VTI1A: variants seen among roughly 807,000 people sequenced by gnomAD.
VTI1A encodes the protein vesicle transport through interaction with t-SNAREs homolog 1A.
In VTI1A, 22 loss-of-function variants were observed where a neutral mutation model predicts 34.9. The observed-to-expected ratio is 0.63, with a 90% CI of 0.45 to 0.90. The LOEUF (loss-of-function observed/expected upper bound fraction) is 0.90, where lower values mean the gene tolerates loss of function less well. VTI1A is among the 40% of genes least tolerant of loss of function. The probability of loss-of-function intolerance (pLI) is 0.00; values close to 1 mark genes in which losing one functional copy is unlikely to be tolerated. For missense variants in VTI1A, 268 were observed against 275.6 expected (o/e 0.97, Z 0.20); for synonymous variants, 87 against 97.3 (o/e 0.89, Z 0.62).
chr10:112,619,049 C>T (rs909723877), intron 5 of VTI1A, among the ~76,000 whole-genome samples: 1 of 142,328 alleles, frequency 7.0e-6, no homozygotes, highest in Non-Finnish European at 1.5e-5. Flanking sequence ...GTGCCTGGCA[C>T]ATTAGTAAAC....
chr10:112,726,138 G>A (rs1223188117), intron 7 of VTI1A, among the ~76,000 whole-genome samples: 1 of 152,046 alleles, frequency 6.6e-6, no homozygotes, highest in Admixed American at 6.6e-5. Flanking sequence ...TAGGCATCTG[G>A]TTCCACCTGG....
intron 5 of VTI1A, among the ~76,000 whole-genome samples, chr10:112,558,828 C>A (rs1017629298): frequency 1.3e-5 from 2 of 152,174 alleles, no homozygotes; most frequent in African/African-American, 4.8e-5. Flanking sequence ...ACGGTTGTCA[C>A]CATGCAGGGT....
At chr10:112,620,351 G>A (rs1845683829) in intron 5 of VTI1A, among the ~76,000 whole-genome samples, 1 of 152,194 alleles carries the variant, frequency 6.6e-6, no homozygotes, top group Non-Finnish European at 1.5e-5. Context: ...CAGTTTAGCG[G>A]AAAGAATGGC....
rs1209859552 is a variant in VTI1A, at chr10:112,546,168, TAC to T, written c.427+7850_427+7851del. 5.3e-4 allele frequency among the ~76,000 whole-genome samples: 79 copies of T among 150,086 alleles called. 1 individual carries two copies. The highest frequency in any genetic ancestry group is 2.4e-4 in the Non-Finnish European group (16 of 67,416). On this transcript the variant is annotated intron_variant, in intron 5 of 7. Transcript: ENST00000393077. ...GTGCGTATATATGTGTGTATATATA[TAC>T]ACACACACACATACGCACACACATA...
At position 112,665,294 on chromosome 10, in the gene VTI1A, C is replaced by T. The variant is rs1052170998; in HGVS notation, c.428-2924C>T. On this transcript the variant is annotated intron_variant, in intron 5 of 7. Transcript: ENST00000393077. Reference sequence around the variant, plus strand: ...TTGGTTCAACTAGAAGAGTGGGCCCCACAGTGGGGGAAAAAAAAAAAAAGC... The same window carrying T: ...TTGGTTCAACTAGAAGAGTGGGCCCTACAGTGGGGGAAAAAAAAAAAAAGC... 3.1e-4 allele frequency among the ~76,000 whole-genome samples: 44 copies of T among 140,846 alleles called. 1 individual carries two copies. The highest frequency in any genetic ancestry group is 9.8e-4 in the African/African-American group (38 of 38,744). The allele number at this position is 140,846 out of a possible 152,430, so 92.4% of individuals were successfully genotyped here. A position where few individuals can be genotyped will look rare whatever the true frequency, so the allele number is the denominator to read the frequency against.
At chr10:112,759,598 T>G (rs1207945925) in intron 7 of VTI1A, among the ~76,000 whole-genome samples, 1 of 152,186 alleles carries the variant, frequency 6.6e-6, no homozygotes, top group African/African-American at 2.4e-5. Context: ...TTTTCTCCAG[T>G]CTCCAGCTTG....
chr10:112,736,059 AAT>A (rs927822443), intron 7 of VTI1A, among the ~76,000 whole-genome samples: 118 of 146,352 alleles, frequency 8.1e-4, no homozygotes, highest in Admixed American at 1.8e-3. Context: ...TATACTGTAT[AAT>A]ATATTTTATA....
chr10:112,588,521 G>T (rs555962815), intron 5 of VTI1A, among the ~76,000 whole-genome samples: 20 of 152,138 alleles, frequency 1.3e-4, no homozygotes, highest in African/African-American at 4.6e-4. Context: ...TCTCTATTCA[G>T]TTCAGAGCTA....
chr10:112,848,781 GC>G, the VTI1A span, among the ~76,000 whole-genome samples: 1 of 152,208 alleles, frequency 6.6e-6, no homozygotes, highest in African/African-American at 2.4e-5. Flanking sequence ...CCCAGAGACT[GC>G]CCTGAGGAGG....
At chr10:112,658,355 G>A (rs753879292) in intron 5 of VTI1A, among the ~76,000 whole-genome samples, 8 of 151,978 alleles carry the variant, frequency 5.3e-5, no homozygotes, top group African/African-American at 9.7e-5. Context: ...CCAAAGCACC[G>A]GTATTACAAG....
At chr10:112,506,546 A>G (rs73365014) in intron 3 of VTI1A, among the ~76,000 whole-genome samples, 259 of 152,274 alleles carry the variant, frequency 1.7e-3, no homozygotes, top group African/African-American at 6.1e-3. Context: ...CTTCCTGGAT[A>G]ATGTAGACGT....
intron 5 of VTI1A, among the ~76,000 whole-genome samples, chr10:112,637,176 C>T (rs548329722): frequency 7.9e-5 from 12 of 152,030 alleles, no homozygotes; most frequent in South Asian, 4.1e-4. Flanking sequence ...TTTGGAGACT[C>T]GTGAGATTTT....
At chr10:112,582,714 A>G (rs1197707324) in intron 5 of VTI1A, among the ~76,000 whole-genome samples, 2 of 152,186 alleles carry the variant, frequency 1.3e-5, no homozygotes, top group East Asian at 3.9e-4. Flanking sequence ...TTATTAATCT[A>G]TAATAGTGAT....
At chr10:112,627,302 A>G (rs951610088) in intron 5 of VTI1A, among the ~76,000 whole-genome samples, 1 of 152,208 alleles carries the variant, frequency 6.6e-6, no homozygotes, top group East Asian at 1.9e-4. Context: ...AATACCTTCC[A>G]TTGATCAGTC....
intron 7 of VTI1A, among the ~76,000 whole-genome samples, chr10:112,687,941 AC>A (rs1848479271): frequency 6.8e-6 from 1 of 145,998 alleles, no homozygotes. Context: ...CTGGCCGGTG[AC>A]CAAGTCTTTT....
At chr10:112,855,200 C>A in the VTI1A span, among the ~76,000 whole-genome samples, 1 of 152,168 alleles carries the variant, frequency 6.6e-6, no homozygotes. Flanking sequence ...TCACTCTCTG[C>A]AGGCCCAATG....
At chr10:112,518,613 G>A (rs557008769) in intron 3 of VTI1A, among the ~76,000 whole-genome samples, 1,917 of 132,330 alleles carry the variant, frequency 0.014, 27 homozygotes, top group African/African-American at 0.024. Context: ...ATATATATAT[G>A]TGTGTGTGTG....
At chr10:112,762,235 C>CTA (rs1293190835) in intron 7 of VTI1A, among the ~76,000 whole-genome samples, 5 of 152,070 alleles carry the variant, frequency 3.3e-5, no homozygotes, top group Non-Finnish European at 7.4e-5. Context: ...ATAGGGGATG[C>CTA]TAGAGCCAGT....
chr10:112,583,733 T>TG (rs1844042249), intron 5 of VTI1A, among the ~76,000 whole-genome samples: 2 of 151,990 alleles, frequency 1.3e-5, no homozygotes, highest in Non-Finnish European at 1.5e-5. Flanking sequence ...AGAGCAGGGG[T>TG]GGGTACGCTT....
Sources: gnomAD v4.1 joint callset for allele counts (sites outside exome capture counted in the v4.1 genomes callset) on GRCh38, gnomAD v4.1.1 for gene constraint, MANE v1.5 for transcripts, NCBI Gene and HGNC (gene_info 2026-07-23, HGNC 2026-07-21) for gene names.